Variants in DGKB observed in about 807,000 individuals in gnomAD.
DGKB encodes 90 kDa diacylglycerol kinase.
In DGKB, 67 loss-of-function variants were observed where a neutral mutation model predicts 114.3. That is an observed-to-expected ratio of 0.59 (90% CI 0.48 to 0.72). DGKB has a LOEUF of 0.72. Ranked by LOEUF, DGKB falls within the 30% of genes least tolerant of loss-of-function variation. The probability of loss-of-function intolerance (pLI) is 0.00; values close to 1 mark genes in which losing one functional copy is unlikely to be tolerated. For synonymous variants in DGKB, 398 were observed against 323.1 expected (o/e 1.23, Z -2.49); for missense variants, 907 against 975.2 (o/e 0.93, Z 0.93).
At chr7:14,822,017 T>C (rs193281714) in intron 2 of DGKB, among the ~76,000 whole-genome samples, 1 of 152,204 alleles carries the variant, frequency 6.6e-6, no homozygotes, top group African/African-American at 2.4e-5. Flanking sequence ...CCCAAAGTTA[T>C]GGAATGATGG....
chr7:14,934,123 T>C (rs1785166036), intron 1 of DGKB, among the ~76,000 whole-genome samples: 1 of 152,182 alleles, frequency 6.6e-6, no homozygotes, highest in African/African-American at 2.4e-5. Flanking sequence ...GAATGACTTG[T>C]CAGCTCTGGG....
intron 20 of DGKB, among the ~76,000 whole-genome samples, chr7:14,526,652 T>C (rs575755046): frequency 6.6e-6 from 1 of 152,178 alleles, no homozygotes; most frequent in African/African-American, 2.4e-5. Context: ...CATAGTGAAC[T>C]GATATTTAAA....
intron 1 of DGKB, among the ~76,000 whole-genome samples, chr7:14,884,354 G>A (rs866435449): frequency 2.6e-5 from 4 of 151,886 alleles, no homozygotes; most frequent in South Asian, 2.1e-4. Flanking sequence ...AAAAGAAAAG[G>A]TCCATCCTTG....
chr7:14,512,876 G>T (rs138517190), intron 20 of DGKB, among the ~76,000 whole-genome samples: 3 of 152,006 alleles, frequency 2.0e-5, no homozygotes, highest in African/African-American at 4.8e-5. Context: ...AAACGAGGAG[G>T]TTTTGCTTTA....
At chr7:14,945,036 T>C (rs1322858979) in intron 1 of DGKB, among the ~76,000 whole-genome samples, 1 of 151,800 alleles carries the variant, frequency 6.6e-6, no homozygotes, top group Non-Finnish European at 1.5e-5. Context: ...CTAAAGGACA[T>C]ATACATGTGT....
chr7:14,717,186 C>G (rs1828336659), intron 6 of DGKB, among the ~76,000 whole-genome samples: 1 of 152,026 alleles, frequency 6.6e-6, no homozygotes, highest in Non-Finnish European at 1.5e-5. Context: ...TTAGGAATTC[C>G]ACCTAAAAAG....
intron 23 of DGKB, among the ~76,000 whole-genome samples, chr7:14,205,437 C>A (rs543125091): frequency 6.6e-6 from 1 of 151,998 alleles, no homozygotes; most frequent in South Asian, 2.1e-4. Context: ...CATATCATCT[C>A]TTCTGGGAGC....
Position 14,188,659 on chromosome 7 carries a change from C to CAAAAAAA in DGKB, c.2123-10515_2123-10509dup, listed in dbSNP as rs35808078. On this transcript the variant is annotated intron_variant, in intron 23 of 25. Coordinates refer to ENST00000402815, the MANE Select transcript of DGKB (RefSeq NM_001350709.2). ...TGGGCGACAAAGCGAGACTCCGTCT[C>CAAAAAAA]AAAAAAAAAAAAAAAAAAAAAAAAA... Among the ~76,000 whole-genome samples, 29 of 34,096 alleles carry CAAAAAAA rather than the reference C, an allele frequency of 8.5e-4. 3 individuals are homozygous for CAAAAAAA. The highest frequency in any genetic ancestry group is 2.5e-3 in the African/African-American group (28 of 11,084). The allele number at this position is 34,096 out of a possible 152,430, so 22.4% of individuals were successfully genotyped here. A position where few individuals can be genotyped will look rare whatever the true frequency, so the allele number is the denominator to read the frequency against.
chr7:14,962,434 A>T (rs938249627), intron 1 of DGKB, among the ~76,000 whole-genome samples: 1 of 152,166 alleles, frequency 6.6e-6, no homozygotes, highest in Admixed American at 6.5e-5. Context: ...TAGATTTGGA[A>T]TGAAATAATT....
At chr7:14,741,638 C>G (rs1054540521) in intron 4 of DGKB, among the ~76,000 whole-genome samples, 25 of 152,220 alleles carry the variant, frequency 1.6e-4, no homozygotes, top group African/African-American at 5.8e-4. Flanking sequence ...CAGCTTCTAG[C>G]TTTCTTTTGT....
chr7:14,454,063 G>A (rs9639198), intron 21 of DGKB, among the ~76,000 whole-genome samples: 18,599 of 152,028 alleles, frequency 0.12, 1,466 homozygotes, highest in East Asian at 0.21. Context: ...GCTATTTTGA[G>A]ACATGTATAT....
At chr7:14,844,525 A>C (rs1562697268) in intron 1 of DGKB, among the ~76,000 whole-genome samples, 1 of 152,174 alleles carries the variant, frequency 6.6e-6, no homozygotes, top group African/African-American at 2.4e-5. Flanking sequence ...CTACAAAAAA[A>C]CCCAGAAACC....
chr7:14,641,000 C>A (rs1811669987), intron 13 of DGKB, among the ~76,000 whole-genome samples: 1 of 152,110 alleles, frequency 6.6e-6, no homozygotes, highest in Admixed American at 6.5e-5. Flanking sequence ...TGCCTTGCCC[C>A]AACCCCAAAT....
At position 14,793,489 on chromosome 7, in the gene DGKB, T is replaced by C. The variant is rs549893874; in HGVS notation, c.71-35758A>G. ...GCTTTGTATTCTATGCCTAGGCTCC[T>C]GAGCCTCAGGATCTTCAGCTGTTAG... is the stretch of plus-strand genomic sequence containing the variant. On this transcript the variant is annotated intron_variant, in intron 2 of 25. Transcript: ENST00000402815. Among the ~76,000 whole-genome samples the C allele has an allele frequency of 5.9e-5, 9 of 152,286 alleles. No homozygotes were observed. In the South Asian group the frequency reaches 1.7e-3, roughly 28 times the overall value.
intron 21 of DGKB, among the ~76,000 whole-genome samples, chr7:14,438,495 T>C (rs1829606015): frequency 6.6e-6 from 1 of 152,110 alleles, no homozygotes; most frequent in African/African-American, 2.4e-5. Flanking sequence ...ATGTGTTAAC[T>C]GAGAACAATT....
At chr7:14,467,670 A>AT (rs200292097) in intron 21 of DGKB, among the ~76,000 whole-genome samples, 2 of 152,296 alleles carry the variant, frequency 1.3e-5, no homozygotes, top group East Asian at 1.9e-4. Flanking sequence ...TGAGTGAACC[A>AT]TTTTTTAAAA....
At chr7:14,728,125 G>A (rs921189245) in intron 5 of DGKB, among the ~76,000 whole-genome samples, 5 of 152,142 alleles carry the variant, frequency 3.3e-5, no homozygotes, top group African/African-American at 4.8e-5. Flanking sequence ...TAGCATCACA[G>A]TGCAAATTAA....
intron 2 of DGKB, among the ~76,000 whole-genome samples, chr7:14,812,648 C>T (rs1312830854): frequency 6.6e-6 from 1 of 152,132 alleles, no homozygotes. Flanking sequence ...GATAAATTAT[C>T]CCAGTGTCAC....
intron 21 of DGKB, among the ~76,000 whole-genome samples, chr7:14,422,906 C>G (rs1012448691): frequency 1.3e-5 from 2 of 151,992 alleles, no homozygotes; most frequent in Admixed American, 6.6e-5. Context: ...TCTTTACATA[C>G]ATTATTCCCC....
Sources: gnomAD v4.1 joint callset for allele counts (sites outside exome capture counted in the v4.1 genomes callset) on GRCh38, gnomAD v4.1.1 for gene constraint, MANE v1.5 for transcripts, NCBI Gene and HGNC (gene_info 2026-07-23, HGNC 2026-07-21) for gene names.